GPC5: variants seen among roughly 807,000 people sequenced by gnomAD.
GPC5 encodes glypican-5.
GPC5 carries 47 observed loss-of-function variants against 53.9 expected under a neutral mutation model. That is an observed-to-expected ratio of 0.87 (90% CI 0.69 to 1.11). The LOEUF is 1.11. Ranked by LOEUF, GPC5 falls within the 50% of genes most tolerant of loss-of-function variation. GPC5 has a pLI of 0.00. For synonymous variants in GPC5, 286 were observed against 263.3 expected, an observed-to-expected ratio of 1.09 and a Z score of -0.84; for missense variants, 748 against 713.1, an observed-to-expected ratio of 1.05 and a Z score of -0.56.
chr13:91,767,515 G>A (rs342705), intron 5 of GPC5, among the ~76,000 whole-genome samples: 103,361 of 152,036 alleles, frequency 0.68, 35,497 homozygotes, highest in East Asian at 0.89. Context: ...AAATTTCAGT[G>A]TATCACACAA....
chr13:92,298,691 G>C (rs2043055091), intron 7 of GPC5, among the ~76,000 whole-genome samples: 1 of 152,202 alleles, frequency 6.6e-6, no homozygotes, highest in African/African-American at 2.4e-5. Flanking sequence ...CCTGGGTCCT[G>C]CAGGAGCAAT....
At chr13:91,754,656 T>C (rs2037250966) in intron 4 of GPC5, among the ~76,000 whole-genome samples, 1 of 152,144 alleles carries the variant, frequency 6.6e-6, no homozygotes, top group East Asian at 1.9e-4. Context: ...ATTCATTAAA[T>C]CCCACCTTTC....
rs189296279 is a variant in GPC5, at chr13:92,234,179, T to A, written c.1561+89190T>A. Among the ~76,000 whole-genome samples, 343 of 152,296 alleles carry A rather than the reference T, an allele frequency of 2.3e-3. 1 individual carries two copies. Among genetic ancestry groups the A allele is most frequent in the African/African-American group, 7.9e-3 (327 of 41,562 alleles). On this transcript the variant is annotated intron_variant, in intron 7 of 7. Transcript: ENST00000377067. ...AATCCTTTGGGTATATACCCAGTAA[T>A]GAGATTGCTGGGACAAATGGTGTTT...
rs148026572 is a variant in GPC5 at position 91,759,720 on chromosome 13, A to G, written c.1280+3300A>G. Among the ~76,000 whole-genome samples, 336 of 151,808 alleles carry G rather than the reference A, an allele frequency of 2.2e-3. 2 individuals carry two copies. The highest frequency in any genetic ancestry group is 6.4e-3 in the South Asian group (31 of 4,818). On this transcript the variant is annotated intron_variant, in intron 5 of 7. Coordinates refer to ENST00000377067, the MANE Select transcript of GPC5 (RefSeq NM_004466.6). ...TTTAGAATGAGATTTTTTTTTTCTC[A>G]ATGCCAACTCAATGGTAAAATGTAA...
chr13:91,951,226 C>A (rs2040023051), intron 6 of GPC5, among the ~76,000 whole-genome samples: 1 of 152,050 alleles, frequency 6.6e-6, no homozygotes, highest in South Asian at 2.1e-4. Flanking sequence ...TCTAAAAGAT[C>A]ATTTTATTCA....
At chr13:92,625,755 A>G (rs1301059290) in intron 7 of GPC5, among the ~76,000 whole-genome samples, 3 of 152,164 alleles carry the variant, frequency 2.0e-5, no homozygotes, top group Non-Finnish European at 2.9e-5. Flanking sequence ...TCATCCTAGG[A>G]GTGGTTAAAA....
At chr13:91,555,685 A>G (rs1331214155) in intron 2 of GPC5, among the ~76,000 whole-genome samples, 1 of 152,060 alleles carries the variant, frequency 6.6e-6, no homozygotes, top group Non-Finnish European at 1.5e-5. Flanking sequence ...GTAAAGAAAA[A>G]GAGGTTAAAT....
chr13:91,624,792 A>G (rs2033955673), intron 2 of GPC5, among the ~76,000 whole-genome samples: 1 of 152,026 alleles, frequency 6.6e-6, no homozygotes, highest in Non-Finnish European at 1.5e-5. Context: ...GAAATGCTAA[A>G]TTACTAGCTA....
In GPC5 at chr13:91,982,703, A is replaced by T. The variant is rs117393335; in HGVS notation, c.1401+74646A>T. On this transcript the variant is annotated intron_variant, in intron 6 of 7. Coordinates refer to ENST00000377067, the MANE Select transcript of GPC5 (RefSeq NM_004466.6). ...GAAGGAGAAAGTGATAAATGGTGCC[A>T]CACACCTCAGAGAGACCAGTCAAAG... 3.6e-3 allele frequency among the ~76,000 whole-genome samples: 543 copies of T among 152,290 alleles called. 1 individual carries two copies. The highest frequency in any genetic ancestry group is 6.7e-3 in the Non-Finnish European group (459 of 68,024).
intron 7 of GPC5, among the ~76,000 whole-genome samples, chr13:92,624,834 T>C (rs1352560579): frequency 7.2e-5 from 11 of 152,218 alleles, no homozygotes; most frequent in Non-Finnish European, 1.5e-4. Flanking sequence ...GAAATACACT[T>C]GGCTTTCCAG....
chr13:92,542,054 A>G (rs145233140), intron 7 of GPC5, among the ~76,000 whole-genome samples: 37 of 152,136 alleles, frequency 2.4e-4, no homozygotes, highest in African/African-American at 8.7e-4. Flanking sequence ...TAAAATTTTA[A>G]TTGACACATA....
chr13:92,623,619 G>A (rs1238504339), intron 7 of GPC5, among the ~76,000 whole-genome samples: 3 of 151,928 alleles, frequency 2.0e-5, no homozygotes, highest in Non-Finnish European at 4.4e-5. Context: ...GGATTGTTAC[G>A]GCAAATCTTG....
intron 2 of GPC5, among the ~76,000 whole-genome samples, chr13:91,488,431 C>T (rs764418589): frequency 5.3e-5 from 8 of 152,096 alleles, no homozygotes; most frequent in Non-Finnish European, 1.0e-4. Context: ...AAGTCAGGGA[C>T]CCCGAACGGA....
At chr13:91,853,158 G>T (rs2038932450) in intron 5 of GPC5, among the ~76,000 whole-genome samples, 1 of 152,004 alleles carries the variant, frequency 6.6e-6, no homozygotes, top group East Asian at 1.9e-4. Flanking sequence ...AAAAATTATA[G>T]AAATAGTAAG....
chr13:91,572,035 G>A (rs1322298829), intron 2 of GPC5, among the ~76,000 whole-genome samples: 14 of 110,658 alleles, frequency 1.3e-4, no homozygotes, highest in African/African-American at 1.8e-4. Flanking sequence ...GTGTATATAT[G>A]TGTATATACA....
intron 7 of GPC5, among the ~76,000 whole-genome samples, chr13:92,170,420 C>CTTTTTTTTTTTTTTTTTTTTTTT (rs61418155): frequency 2.7e-5 from 2 of 75,260 alleles, no homozygotes; most frequent in African/African-American, 5.2e-5. Context: ...CTTTTCTTTG[C>CTTTTTTTTTTTTTTTTTTTTTTT]TTTTTTTTTT....
chr13:91,559,786 A>G (rs1356782482), intron 2 of GPC5, among the ~76,000 whole-genome samples: 1 of 152,046 alleles, frequency 6.6e-6, no homozygotes, highest in Non-Finnish European at 1.5e-5. Context: ...CATTCTTCTC[A>G]TGAGTTAAGA....
In GPC5 at chr13:92,866,950, A is replaced by C. The variant is rs1010412664; in HGVS notation, c.*511A>C. 6.6e-6 allele frequency: 1 copy of C among 152,160 alleles called. No individual in the cohort carries two copies. The highest frequency in any genetic ancestry group is 2.4e-5 in the African/African-American group (1 of 41,448). 9.4% of individuals were successfully genotyped at this position (152,160 alleles called of 1,614,324 possible). A position where few individuals can be genotyped will look rare whatever the true frequency, so the allele number is the denominator to read the frequency against. Reference sequence around the variant, plus strand: ...TCCATTTTTGCAAGCTGTAGAAGGAAATGTCTGAATGTCTATAAGTTATGG... The same window carrying C: ...TCCATTTTTGCAAGCTGTAGAAGGACATGTCTGAATGTCTATAAGTTATGG... On this transcript the variant is annotated 3_prime_UTR_variant, in exon 8 of 8. Coordinates refer to ENST00000377067, the MANE Select transcript of GPC5 (RefSeq NM_004466.6).
chr13:92,021,839 CCTTT>C (rs956304631), intron 6 of GPC5, among the ~76,000 whole-genome samples: 3 of 152,024 alleles, frequency 2.0e-5, no homozygotes, highest in African/African-American at 7.2e-5. Flanking sequence ...TCAGATTTTC[CCTTT>C]CTCTTTTTAA....
Sources: gnomAD v4.1 joint callset for allele counts (sites outside exome capture counted in the v4.1 genomes callset) on GRCh38, gnomAD v4.1.1 for gene constraint, MANE v1.5 for transcripts, NCBI Gene and HGNC (gene_info 2026-07-23, HGNC 2026-07-21) for gene names.